COL23A1: variants seen among roughly 807,000 people sequenced by gnomAD.
The protein encoded by COL23A1 is collagen type XXIII alpha 1 chain.
Under a neutral mutation model 99.3 loss-of-function variants are expected in COL23A1, and 97 were observed. That is an observed-to-expected ratio of 0.98 (90% CI 0.83 to 1.16). The LOEUF (loss-of-function observed/expected upper bound fraction) is 1.16. COL23A1 is among the 50% of genes most tolerant of loss of function. The pLI is 0.00. For synonymous variants in COL23A1, 320 were observed against 308.2 expected (o/e 1.04, Z -0.40); for missense variants, 762 against 757.4 (o/e 1.01, Z -0.07).
rs1449485040 is a variant in COL23A1 at position 178,245,069 on chromosome 5, T to C, written c.1440+873A>G. Among the ~76,000 whole-genome samples, 9 of 93,432 alleles carry C rather than the reference T, an allele frequency of 9.6e-5. 1 individual carries two copies. Among genetic ancestry groups the C allele is most frequent in the Admixed American group, 1.1e-4 (1 of 9,294 alleles). The allele number at this position is 93,432 out of a possible 152,430, so 61.3% of individuals were successfully genotyped here. A position where few individuals can be genotyped will look rare whatever the true frequency, so the allele number is the denominator to read the frequency against. The stretch of plus-strand genomic sequence containing the variant: ...ATCTATCATCCATCCATCCATCCAC[T>C]CATCATCTATCATCCATCCATCCGT... On this transcript the variant is annotated intron_variant, in intron 25 of 28. Transcript: ENST00000390654.
intron 2 of COL23A1, among the ~76,000 whole-genome samples, chr5:178,320,276 C>A (rs1759220086): frequency 6.6e-6 from 1 of 152,192 alleles, no homozygotes; most frequent in Non-Finnish European, 1.5e-5. Flanking sequence ...CTGAGTGGGG[C>A]CATTAGTGGG....
chr5:178,409,028 T>A (rs1653918749), intron 2 of COL23A1, among the ~76,000 whole-genome samples: 1 of 140,280 alleles, frequency 7.1e-6, no homozygotes, highest in South Asian at 2.3e-4. Context: ...ACACATCATG[T>A]GGCTGAACAA....
intron 2 of COL23A1, among the ~76,000 whole-genome samples, chr5:178,485,608 A>G (rs1264858132): frequency 6.6e-6 from 1 of 151,998 alleles, no homozygotes; most frequent in African/African-American, 2.4e-5. Flanking sequence ...CCCTGTCTCT[A>G]CTAAAAATAC....
At chr5:178,298,530 A>T (rs1757869265) in intron 3 of COL23A1, among the ~76,000 whole-genome samples, 1 of 152,156 alleles carries the variant, frequency 6.6e-6, no homozygotes, top group Admixed American at 6.5e-5. Context: ...TGAGGCTGCC[A>T]GGGTCACTGT....
intron 2 of COL23A1, among the ~76,000 whole-genome samples, chr5:178,361,799 C>CG (rs1209421697): frequency 1.3e-5 from 2 of 152,138 alleles, no homozygotes; most frequent in South Asian, 2.1e-4. Context: ...AGCCATGCAC[C>CG]GGCTCTCACT....
intron 2 of COL23A1, among the ~76,000 whole-genome samples, chr5:178,552,553 A>G (rs1762051949): frequency 6.6e-6 from 1 of 152,030 alleles, no homozygotes; most frequent in Non-Finnish European, 1.5e-5. Flanking sequence ...TAATCCCAAA[A>G]AGGGTAACAA....
At chr5:178,266,972 T>C (rs531786062) in intron 8 of COL23A1, among the ~76,000 whole-genome samples, 1 of 152,366 alleles carries the variant, frequency 6.6e-6, no homozygotes, top group Admixed American at 6.5e-5. Context: ...TCAGTTCTGC[T>C]GACCCCAGAG....
At chr5:178,374,451 C>T (rs768171044) in intron 2 of COL23A1, among the ~76,000 whole-genome samples, 4 of 152,218 alleles carry the variant, frequency 2.6e-5, no homozygotes, top group African/African-American at 4.8e-5. Context: ...GTGCCCCCCA[C>T]GCCTCCGTAA....
chr5:178,478,985 TG>T (rs1164991218), intron 2 of COL23A1, among the ~76,000 whole-genome samples: 2 of 151,968 alleles, frequency 1.3e-5, no homozygotes, highest in Non-Finnish European at 2.9e-5. Context: ...CTAAAAACAT[TG>T]AGTTTTCTTG....
At chr5:178,585,719 GGGGTA>G in intron 1 of COL23A1, among the ~76,000 whole-genome samples, 1 of 129,596 alleles carries the variant, frequency 7.7e-6, no homozygotes, top group Non-Finnish European at 1.7e-5. Flanking sequence ...GGATGGCGCT[GGGGTA>G]ACACTCCACA....
chr5:178,501,474 G>A (rs1310754810), intron 2 of COL23A1, among the ~76,000 whole-genome samples: 6 of 152,012 alleles, frequency 3.9e-5, no homozygotes, highest in African/African-American at 9.7e-5. Flanking sequence ...CCAGCTACTC[G>A]GGAGGCTGAG....
At chr5:178,521,668 A>C (rs2113063909) in intron 2 of COL23A1, among the ~76,000 whole-genome samples, 1 of 152,360 alleles carries the variant, frequency 6.6e-6, no homozygotes, top group Non-Finnish European at 1.5e-5. Flanking sequence ...AATATTATTC[A>C]GCCATGAAAA....
At chr5:178,394,297 C>G (rs1355651857) in intron 2 of COL23A1, among the ~76,000 whole-genome samples, 2 of 152,214 alleles carry the variant, frequency 1.3e-5, no homozygotes, top group Non-Finnish European at 1.5e-5. Context: ...TGGCACAGAA[C>G]AGTGCCTGCC....
chr5:178,442,096 A>G (rs1433506278), intron 2 of COL23A1, among the ~76,000 whole-genome samples: 1 of 151,980 alleles, frequency 6.6e-6, no homozygotes, highest in African/African-American at 2.4e-5. Context: ...CGAGTCCTGC[A>G]GCCTGGTCAG....
rs1411900179 is a variant in COL23A1 at position 178,590,035 on chromosome 5, C to A, written c.163G>T (p.Gly55Cys). 7 of 1,354,578 alleles carry A rather than the reference C, an allele frequency of 5.2e-6. No individual in the cohort carries two copies. The highest frequency in any genetic ancestry group is 3.5e-5 in the South Asian group (2 of 57,696). The allele number at this position is 1,354,578 out of a possible 1,614,324, so 83.9% of individuals were successfully genotyped here. Residue 55 changes from glycine to cysteine, a missense_variant, in exon 1 of 29, where the codon GGT (glycine) becomes TGT (cysteine). Physicochemically the swap from Gly to Cys is radical, Grantham distance 159. Coordinates refer to ENST00000390654, the MANE Select transcript of COL23A1 (RefSeq NM_173465.4). This position sits in a 1 kb window ranked among gnomAD's most constrained non-coding sequence, Gnocchi z 5.7. Reference protein sequence around the residue: ...VGSAAACLLLGVQAAALQGRV... With the variant: ...VGSAAACLLLCVQAAALQGRV... The stretch of plus-strand genomic sequence containing the variant: ...CCCTGCAGCGCGGCCGCCTGGACAC[C>A]CAGCAGCAGGCAGGCAGCCGCCGAG...
chr5:178,322,272 G>C (rs1432184471), intron 2 of COL23A1, among the ~76,000 whole-genome samples: 1 of 152,146 alleles, frequency 6.6e-6, no homozygotes, highest in East Asian at 1.9e-4. Context: ...GATTACAAGC[G>C]TGAGCCACCG....
At chr5:178,259,837 G>A in intron 11 of COL23A1, 90 bp from the exon 12 acceptor site, 1 of 1,274,514 alleles carries the variant, frequency 7.8e-7, no homozygotes, top group Non-Finnish European at 1.1e-6. Context: ...GGGTAGAAGT[G>A]GCACTGATGA....
chr5:178,494,514 TA>T (rs1344925084), intron 2 of COL23A1, among the ~76,000 whole-genome samples: 1 of 152,146 alleles, frequency 6.6e-6, no homozygotes, highest in Non-Finnish European at 1.5e-5. Flanking sequence ...CTGTCTTTAC[TA>T]AAAATGCAAA....
In COL23A1 at chr5:178,415,244, T is replaced by C. The variant is rs1765243064; in HGVS notation, c.362-108325A>G. Among the ~76,000 whole-genome samples the C allele has an allele frequency of 6.6e-6, 1 of 152,168 alleles. No homozygotes were observed. On this transcript the variant is annotated intron_variant, in intron 2 of 28. Transcript: ENST00000390654. The surrounding 1 kb of genome is among the most constrained non-coding windows in gnomAD (Gnocchi z 4.6). ...ACTCTTTTCTCCAGTGGGGTCCACA[T>C]GGTGCCAGTTACAGTGCTCAGTGGG...
Sources: allele counts gnomAD v4.1 joint callset (sites outside exome capture counted in the v4.1 genomes callset), GRCh38; gene constraint gnomAD v4.1.1; non-coding constraint Gnocchi (gnomAD v3.1); transcripts MANE v1.5; gene names NCBI Gene and HGNC (gene_info 2026-07-23, HGNC 2026-07-21).